The following BMP3 variants were observed in gnomAD, a reference collection of about 807,000 sequenced individuals.
The protein encoded by BMP3 is bone morphogenetic protein 3 (osteogenic).
A neutral mutation model predicts 38.1 loss-of-function variants in BMP3; 23 were observed. That is an observed-to-expected ratio of 0.60 (90% CI 0.43 to 0.86). The LOEUF (loss-of-function observed/expected upper bound fraction) is 0.86, where lower values mean the gene tolerates loss of function less well. BMP3 is among the 40% of genes least tolerant of loss of function. The pLI is 0.00. For synonymous variants in BMP3, 258 were observed against 225.7 expected (o/e 1.14, Z -1.28); for missense variants, 628 against 579.6 (o/e 1.08, Z -0.86).
intron 1 of BMP3, among the ~76,000 whole-genome samples, chr4:81,034,410 G>A (rs1370823347): frequency 6.6e-6 from 1 of 151,986 alleles, no homozygotes; most frequent in Non-Finnish European, 1.5e-5. Context: ...TTTTGATTTT[G>A]GTTTAAGTTG....
chr4:81,031,414 G>C lies in BMP3; in HGVS notation c.130G>C (p.Gly44Arg). The C allele has an allele frequency of 1.2e-6, 2 of 1,613,694 alleles. No homozygotes were observed. The highest frequency in any genetic ancestry group is 1.7e-6 in the Non-Finnish European group (2 of 1,179,892). The change falls in exon 1 of 3, where the codon GGT becomes CGT. Residue 44 changes from glycine to arginine, a missense_variant. Gly to Arg is a moderately radical substitution (Grantham distance 125, BLOSUM62 -2). Transcript: ENST00000282701. ...KAVPGDRTAG[G>R]GPDSELQPQD... is the part of the protein sequence containing the mutation. ...TGTGCCAGGTGACCGCACGGCAGGT[G>C]GTGGCCCGGACTCCGAGCTGCAGCC...
chr4:81,031,026 T>G lies in BMP3; in HGVS notation c.-259T>G. On this transcript the variant is annotated 5_prime_UTR_variant, in exon 1 of 3. Transcript: ENST00000282701. ...CTACAGCTCTTTCTCAGCGTTGGAG[T>G]GGAGACGGCGCCCGCAGCGCCCTGC... The G allele has an allele frequency of 2.0e-6, 1 of 490,020 alleles. No individual in the cohort carries two copies. Among genetic ancestry groups the G allele is most frequent in the Non-Finnish European group, 3.6e-6 (1 of 280,514 alleles). The allele number at this position is 490,020 out of a possible 1,614,324, so 30.4% of individuals were successfully genotyped here. A position where few individuals can be genotyped will look rare whatever the true frequency, so the allele number is the denominator to read the frequency against.
At chr4:81,035,570 A>G (rs139470815) in intron 1 of BMP3, among the ~76,000 whole-genome samples, 243 of 152,228 alleles carry the variant, frequency 1.6e-3, no homozygotes, top group African/African-American at 5.5e-3. Flanking sequence ...TATATTTGGA[A>G]GAAGCATTCA....
rs1448142319 is a variant in BMP3, at chr4:81,053,496, T to C, written c.1379T>C (p.Val460Ala). ...FDENKNVVLK[V>A]YPNMTVESCA... ...GAAAATAAGAATGTAGTGCTTAAAGTATACCCTAACATGACAGTAGAGTCT... is the reference window on the plus strand; with the variant it reads ...GAAAATAAGAATGTAGTGCTTAAAGCATACCCTAACATGACAGTAGAGTCT... The change falls in exon 3 of 3, where the codon GTA (valine) becomes GCA (alanine). Residue 460 changes from valine (V) to alanine (A), a missense_variant. By Grantham distance (64) the Val-to-Ala change is moderately conservative. Coordinates refer to ENST00000282701, the MANE Select transcript of BMP3 (RefSeq NM_001201.5). 1 of 1,602,696 alleles carries C rather than the reference T, an allele frequency of 6.2e-7. No homozygotes were observed. Among genetic ancestry groups the C allele is most frequent in the Non-Finnish European group, 8.5e-7 (1 of 1,175,152 alleles).
intron 1 of BMP3, among the ~76,000 whole-genome samples, chr4:81,044,380 ATTATTCCTGTT>A (rs1238819814): frequency 2.0e-5 from 3 of 152,180 alleles, no homozygotes; most frequent in Non-Finnish European, 4.4e-5. Context: ...GTCTTTTAAA[ATTATTCCTGTT>A]TATTACTCTC....
intron 1 of BMP3, among the ~76,000 whole-genome samples, chr4:81,039,169 G>T (rs1369073973): frequency 2.0e-5 from 3 of 152,168 alleles, no homozygotes; most frequent in African/African-American, 7.2e-5. Context: ...CAAATATTCA[G>T]CCAGTGACTG....
intron 1 of BMP3, among the ~76,000 whole-genome samples, chr4:81,041,677 G>GT (rs1489537848): frequency 1.3e-5 from 2 of 152,144 alleles, no homozygotes. Flanking sequence ...TAAGTTAATT[G>GT]TAAGTATTTT....
intron 1 of BMP3, among the ~76,000 whole-genome samples, chr4:81,043,014 T>C (rs1578296809): frequency 6.6e-6 from 1 of 152,338 alleles, no homozygotes; most frequent in Non-Finnish European, 1.5e-5. Context: ...CTTCACACAG[T>C]GTTAAAAATG....
In BMP3 at chr4:81,056,665, G is replaced by A. The variant is rs1316408750; in HGVS notation, c.*3129G>A. 6.6e-6 allele frequency: 1 copy of A among 152,548 alleles called. No homozygotes were observed. The highest frequency in any genetic ancestry group is 1.5e-5 in the Non-Finnish European group (1 of 68,036). 9.4% of individuals were successfully genotyped at this position (152,548 alleles called of 1,614,324 possible). On this transcript the variant is annotated 3_prime_UTR_variant, in exon 3 of 3. Coordinates refer to ENST00000282701, the MANE Select transcript of BMP3 (RefSeq NM_001201.5). ...ATTTGGGATTGTAGAACTTAAACTG[G>A]AAGACTGGATTCCTCAGATCTCAGG... is the stretch of plus-strand genomic sequence containing the variant.
intron 1 of BMP3, among the ~76,000 whole-genome samples, chr4:81,032,061 A>G (rs183345184): frequency 6.6e-6 from 1 of 152,080 alleles, no homozygotes; most frequent in Admixed American, 6.5e-5. Flanking sequence ...GAGAAATCAT[A>G]CTTGAATAAG....
At chr4:81,049,296 T>G (rs1391245565) in intron 2 of BMP3, among the ~76,000 whole-genome samples, 2 of 152,174 alleles carry the variant, frequency 1.3e-5, no homozygotes, top group Non-Finnish European at 2.9e-5. Flanking sequence ...TTCTAAATGT[T>G]TCTAGTCCCT....
At chr4:81,034,267 G>C (rs1045696643) in intron 1 of BMP3, among the ~76,000 whole-genome samples, 3 of 152,040 alleles carry the variant, frequency 2.0e-5, no homozygotes, top group Non-Finnish European at 4.4e-5. Flanking sequence ...CATGTGGAAG[G>C]GTTTACATAA....
rs775333572 is a variant in BMP3, at chr4:81,053,393, G to C, written c.1276G>C (p.Val426Leu). The change falls in exon 3 of 3, where the codon GTG becomes CTG. Residue 426 changes from valine to leucine, a missense_variant. Val to Leu is a conservative substitution (Grantham distance 32, BLOSUM62 1). Coordinates refer to ENST00000282701, the MANE Select transcript of BMP3 (RefSeq NM_001201.5). Reference protein sequence around the residue: ...HATIQSIVRAVGVVPGIPEPC... With the variant: ...HATIQSIVRALGVVPGIPEPC... ...TACCATCCAGAGTATAGTGAGAGCT[G>C]TGGGGGTCGTTCCTGGGATTCCTGA... 3.1e-6 allele frequency: 5 copies of C among 1,610,436 alleles called. No homozygotes were observed.
intron 1 of BMP3, 122 bp downstream of exon 1, chr4:81,031,722 C>T: frequency 8.5e-7 from 1 of 1,173,848 alleles, no homozygotes; most frequent in Non-Finnish European, 1.2e-6. Flanking sequence ...TCTCCGCCCT[C>T]CTCAGCTGCC....
chr4:81,053,542 C>A lies in BMP3; in HGVS notation c.*6C>A, dbSNP rs984578913. ...AGTCTTGCGCTTGCAGATAACCTGG[C>A]AAAGAACTCATTTGAATGCTTAATT... On this transcript the variant is annotated 3_prime_UTR_variant, in exon 3 of 3. Coordinates refer to ENST00000282701, the MANE Select transcript of BMP3 (RefSeq NM_001201.5). 4 of 1,408,686 alleles carry A rather than the reference C, an allele frequency of 2.8e-6. No individual in the cohort carries two copies. The highest frequency in any genetic ancestry group is 3.0e-5 in the African/African-American group (2 of 66,492). 87.3% of individuals were successfully genotyped at this position (1,408,686 alleles called of 1,614,324 possible). A position where few individuals can be genotyped will look rare whatever the true frequency, so the allele number is the denominator to read the frequency against.
chr4:81,045,686 G>A, intron 1 of BMP3, 52 bp from the exon 2 acceptor site: 1 of 1,384,442 alleles, frequency 7.2e-7, no homozygotes, highest in Non-Finnish European at 9.8e-7. Context: ...GTCATATAGT[G>A]AAGTAATGGT....
chr4:81,045,968 C>T lies in BMP3; in HGVS notation c.547C>T (p.Leu183=), dbSNP rs147415195. The change falls in exon 2 of 3, where the codon CTG becomes TTG. Residue 183 remains leucine, a synonymous_variant. Transcript: ENST00000282701. ...AAACCAAAGTCAACTCCTTGGCCAT[C>T]TGTCAGTGGATATGGCCAAATCTCA... The part of the protein sequence containing the change: ...SRNQSQLLGH[L]SVDMAKSHRD... The T allele has an allele frequency of 6.2e-7, 1 of 1,613,928 alleles. No individual in the cohort carries two copies. Among genetic ancestry groups the T allele is most frequent in the African/African-American group, 1.3e-5 (1 of 74,920 alleles).
chr4:81,046,163 G>C lies in BMP3; in HGVS notation c.742G>C (p.Ala248Pro). 2 of 1,614,032 alleles carry C rather than the reference G, an allele frequency of 1.2e-6. No individual in the cohort carries two copies. Among genetic ancestry groups the C allele is most frequent in the South Asian group, 2.2e-5 (2 of 91,078 alleles). Residue 248 changes from alanine (A) to proline (P), a missense_variant, in exon 2 of 3, where the codon GCC becomes CCC. Ala to Pro is a conservative substitution (Grantham distance 27). Coordinates refer to ENST00000282701, the MANE Select transcript of BMP3 (RefSeq NM_001201.5). ...PYILVYANDAAISEPESVVSS... is the reference protein window; with the variant it reads ...PYILVYANDAPISEPESVVSS... ...TATCTTGGTATATGCCAATGATGCCGCCATTTCTGAGCCAGAAAGTGTGGT... is the reference window on the plus strand; with the variant it reads ...TATCTTGGTATATGCCAATGATGCCCCCATTTCTGAGCCAGAAAGTGTGGT...
rs1740582132 is a variant in BMP3, at chr4:81,056,791, CTCT to C, written c.*3257_*3259del. On this transcript the variant is annotated 3_prime_UTR_variant, in exon 3 of 3. Transcript: ENST00000282701. ...TTTACCTTAATATTTCTGAATAAAA[CTCT>C]TATTGCCCATTTAATATTTTCATAG... The C allele has an allele frequency of 6.6e-6, 1 of 152,512 alleles. No homozygotes were observed. Among genetic ancestry groups the C allele is most frequent in the African/African-American group, 2.4e-5 (1 of 41,420 alleles). 9.4% of individuals were successfully genotyped at this position (152,512 alleles called of 1,614,324 possible).
Sources: allele counts gnomAD v4.1 joint callset (sites outside exome capture counted in the v4.1 genomes callset), GRCh38; gene constraint gnomAD v4.1.1; transcripts MANE v1.5; gene names NCBI Gene and HGNC (gene_info 2026-07-23, HGNC 2026-07-21).